Variants in L3HYPDH observed in about 807,000 individuals in gnomAD.
L3HYPDH encodes the protein trans-3-hydroxy-L-proline dehydratase.
Under a neutral mutation model 26.5 loss-of-function variants are expected in L3HYPDH, and 32 were observed. That is an observed-to-expected ratio of 1.21 (90% CI 0.91 to 1.62). The LOEUF (loss-of-function observed/expected upper bound fraction) is 1.62, where lower values mean the gene tolerates loss of function less well. Among genes scored for constraint, L3HYPDH ranks in the 40% most tolerant of loss-of-function variants. The pLI, the probability that L3HYPDH is intolerant of heterozygous loss-of-function variation, is 0.00. For synonymous variants in L3HYPDH, 215 were observed against 196.6 expected (o/e 1.09, Z -0.78); for missense variants, 554 against 476.4 (o/e 1.16, Z -1.52).
chr14:59,487,614 G>C, upstream of L3HYPDH: 1 of 1,246,612 alleles, frequency 8.0e-7, no homozygotes, highest in East Asian at 2.3e-5. Flanking sequence ...AATGATTTGG[G>C]GGGGTGTTAA....
At chr14:59,481,449 C>A (rs1890014366) in intron 1 of L3HYPDH, among the ~76,000 whole-genome samples, 1 of 152,128 alleles carries the variant, frequency 6.6e-6, no homozygotes, top group Admixed American at 6.6e-5. Context: ...GGGGTCAAAC[C>A]CAGGACCAGG....
At chr14:59,469,835 G>A (rs1889269754), downstream of L3HYPDH, among the ~76,000 whole-genome samples, 1 of 152,138 alleles carries the variant, frequency 6.6e-6, no homozygotes, top group Non-Finnish European at 1.5e-5. Flanking sequence ...TTAGACCTCA[G>A]AAATTAGGGA....
At chr14:59,474,264 T>C (rs1298219671) in intron 4 of L3HYPDH, among the ~76,000 whole-genome samples, 2 of 152,044 alleles carry the variant, frequency 1.3e-5, no homozygotes, top group Non-Finnish European at 2.9e-5. Flanking sequence ...CCAGAGAATA[T>C]CTGGGAACAT....
intron 1 of L3HYPDH, among the ~76,000 whole-genome samples, chr14:59,482,357 CA>C (rs1277390519): frequency 6.6e-6 from 1 of 152,188 alleles, no homozygotes; most frequent in African/African-American, 2.4e-5. Context: ...ATTGTACTGT[CA>C]TACAGTGATG....
upstream of L3HYPDH, among the ~76,000 whole-genome samples, chr14:59,489,291 T>C (rs1172694678): frequency 6.6e-6 from 1 of 152,248 alleles, no homozygotes; most frequent in Non-Finnish European, 1.5e-5. Flanking sequence ...TTTTGTTGCT[T>C]AATGATTTCT....
At chr14:59,472,250 T>C (rs1889333222), downstream of L3HYPDH, among the ~76,000 whole-genome samples, 1 of 152,240 alleles carries the variant, frequency 6.6e-6, no homozygotes, top group Non-Finnish European at 1.5e-5. Context: ...ATGAGACTCA[T>C]TCCATTGTAA....
the L3HYPDH span, among the ~76,000 whole-genome samples, chr14:59,491,002 A>G: frequency 6.6e-6 from 1 of 152,238 alleles, no homozygotes; most frequent in Non-Finnish European, 1.5e-5. Flanking sequence ...GGTGGGTTTA[A>G]AAAGAGGGAG....
upstream of L3HYPDH, chr14:59,484,542 C>T (rs776604972): frequency 4.5e-6 from 7 of 1,562,446 alleles, no homozygotes; most frequent in Admixed American, 3.8e-5. Flanking sequence ...GGTGCAGCTG[C>T]CAGATCCGCT....
At chr14:59,494,542 T>C in the L3HYPDH span, among the ~76,000 whole-genome samples, 333 of 152,296 alleles carry the variant, frequency 2.2e-3, 1 homozygote, top group Admixed American at 4.6e-3. Flanking sequence ...ATAAAAACTT[T>C]CTGGAAAAAA....
chr14:59,476,673 T>C (rs1179239875), intron 2 of L3HYPDH, among the ~76,000 whole-genome samples: 1 of 152,142 alleles, frequency 6.6e-6, no homozygotes, highest in Non-Finnish European at 1.5e-5. Context: ...TTAACACCAA[T>C]GATAGAGACA....
At chr14:59,471,554 A>G (rs1051508414), downstream of L3HYPDH, among the ~76,000 whole-genome samples, 1 of 152,238 alleles carries the variant, frequency 6.6e-6, no homozygotes. Context: ...AAATCAACTA[A>G]AAGTCTTTTT....
At chr14:59,466,339 C>A (rs1889177786) in intron 1 of L3HYPDH, among the ~76,000 whole-genome samples, 2 of 152,220 alleles carry the variant, frequency 1.3e-5, no homozygotes, top group Admixed American at 1.3e-4. Flanking sequence ...GAAGTTGCAT[C>A]TCAAGTTTCT....
chr14:59,479,648 T>C (rs1889877061), intron 1 of L3HYPDH, among the ~76,000 whole-genome samples: 1 of 152,182 alleles, frequency 6.6e-6, no homozygotes. Context: ...GAAACACCCC[T>C]GAGGCCGAGA....
At chr14:59,479,034 C>T in intron 2 of L3HYPDH, 148 bp downstream of exon 2, 1 of 614,686 alleles carries the variant, frequency 1.6e-6, no homozygotes. Context: ...GACAAGCTTG[C>T]TCTAGAGCCT....
chr14:59,503,468 C>T, the L3HYPDH span, among the ~76,000 whole-genome samples: 1 of 152,252 alleles, frequency 6.6e-6, no homozygotes. Flanking sequence ...CCTCCTATTT[C>T]CCACCTGTAG....
chr14:59,474,411 GT>G, intron 4 of L3HYPDH: 1 of 652,448 alleles, frequency 1.5e-6, no homozygotes, highest in Non-Finnish European at 2.8e-6. Flanking sequence ...TTATATGGAA[GT>G]TCTAATAAAT....
In L3HYPDH at chr14:59,479,357, A is replaced by G; in HGVS notation, c.509-6T>C. On this transcript the variant is annotated splice_polypyrimidine_tract_variant and splice_region_variant and intron_variant, in intron 1 of 4. Coordinates refer to ENST00000247194, the MANE Select transcript of L3HYPDH (RefSeq NM_144581.2). ...AGGAACATCCACCATGAGATCTAAA[A>G]AAAAGATGTGTTTGGAAAGAAGATG... 6.2e-7 allele frequency: 1 copy of G among 1,607,720 alleles called. No individual in the cohort carries two copies. The highest frequency in any genetic ancestry group is 8.5e-7 in the Non-Finnish European group (1 of 1,178,374).
chr14:59,472,911 T>G lies in L3HYPDH; in HGVS notation c.*54A>C. ...TTTTCATATAATTTAGAGAAAACAG[T>G]CCTTAAGGATAATGATTACTTTAAA... On this transcript the variant is annotated 3_prime_UTR_variant, in exon 5 of 5. Coordinates refer to ENST00000247194, the MANE Select transcript of L3HYPDH (RefSeq NM_144581.2). The G allele has an allele frequency of 6.8e-7, 1 of 1,471,758 alleles. No homozygotes were observed. Among genetic ancestry groups the G allele is most frequent in the African/African-American group, 1.4e-5 (1 of 69,150 alleles). The allele number at this position is 1,471,758 out of a possible 1,614,324, so 91.2% of individuals were successfully genotyped here.
chr14:59,502,760 T>G, the L3HYPDH span, among the ~76,000 whole-genome samples: 1 of 130,106 alleles, frequency 7.7e-6, no homozygotes, highest in African/African-American at 2.9e-5. Flanking sequence ...ATTTTTTTTT[T>G]TTTTTTTTTT....
Sources: allele counts gnomAD v4.1 joint callset (sites outside exome capture counted in the v4.1 genomes callset), GRCh38; gene constraint gnomAD v4.1.1; transcripts MANE v1.5; gene names NCBI Gene and HGNC (gene_info 2026-07-23, HGNC 2026-07-21).